TBC1D14: variants seen among roughly 807,000 people sequenced by gnomAD.
TBC1D14 encodes TBC1 domain family member 14.
TBC1D14 carries 26 observed loss-of-function variants against 79.0 expected under a neutral mutation model. The observed-to-expected ratio is 0.33, with a 90% CI of 0.24 to 0.46. The LOEUF (loss-of-function observed/expected upper bound fraction) is 0.46. Ranked by LOEUF, TBC1D14 falls within the 20% of genes least tolerant of loss-of-function variation. TBC1D14 has a pLI of 1.00. For synonymous variants in TBC1D14, 394 were observed against 349.9 expected, an observed-to-expected ratio of 1.13 and a Z score of -1.40; for missense variants, 769 against 887.6, an observed-to-expected ratio of 0.87 and a Z score of 1.70.
At chr4:6,925,987 G>T (rs1724264185) in intron 2 of TBC1D14, among the ~76,000 whole-genome samples, 2 of 152,210 alleles carry the variant, frequency 1.3e-5, no homozygotes, top group South Asian at 4.1e-4. Flanking sequence ...CAGCATGGTG[G>T]AAGGAGTGTG....
intron 2 of TBC1D14, among the ~76,000 whole-genome samples, chr4:6,933,744 G>A (rs1315154719): frequency 6.6e-6 from 1 of 152,206 alleles, no homozygotes; most frequent in Non-Finnish European, 1.5e-5. Context: ...TCAGAAGTCT[G>A]CCTGCCATAG....
chr4:6,926,539 T>C (rs1383513084), intron 2 of TBC1D14, among the ~76,000 whole-genome samples: 1 of 152,252 alleles, frequency 6.6e-6, no homozygotes, highest in Non-Finnish European at 1.5e-5. Flanking sequence ...GACATTGTTA[T>C]TGTGAGCCTC....
chr4:7,024,234 G>A (rs1321008217), intron 12 of TBC1D14, among the ~76,000 whole-genome samples: 2 of 152,200 alleles, frequency 1.3e-5, no homozygotes, highest in East Asian at 1.9e-4. Context: ...CCTCCTGACC[G>A]AGTCAGCCCC....
At chr4:6,937,553 G>A (rs187342107) in intron 2 of TBC1D14, among the ~76,000 whole-genome samples, 3 of 152,320 alleles carry the variant, frequency 2.0e-5, no homozygotes, top group East Asian at 1.9e-4. Flanking sequence ...CCATCAAGGC[G>A]TGTGGGAGAA....
At chr4:6,995,009 T>C (rs1268872422) in intron 4 of TBC1D14, among the ~76,000 whole-genome samples, 1 of 152,136 alleles carries the variant, frequency 6.6e-6, no homozygotes, top group African/African-American at 2.4e-5. Context: ...GTTTTCATGC[T>C]CTGAAAGGTG....
intron 2 of TBC1D14, among the ~76,000 whole-genome samples, chr4:6,924,468 A>G (rs993316933): frequency 6.6e-6 from 1 of 152,116 alleles, no homozygotes; most frequent in African/African-American, 2.4e-5. Context: ...GGCACTGGTG[A>G]GGGTGACGCC....
At chr4:7,007,456 C>CG in intron 9 of TBC1D14, 2 of 1,000,228 alleles carry the variant, frequency 2.0e-6, no homozygotes, top group South Asian at 2.8e-5. Flanking sequence ...CGGGTTTTTG[C>CG]GGGGGCAGTT....
intron 3 of TBC1D14, among the ~76,000 whole-genome samples, chr4:6,991,501 T>A (rs1718483066): frequency 6.6e-6 from 1 of 152,124 alleles, no homozygotes. Flanking sequence ...TTTCTCCCCC[T>A]CAGACCTGAA....
intron 2 of TBC1D14, among the ~76,000 whole-genome samples, chr4:6,957,071 T>C (rs967291189): frequency 1.3e-5 from 2 of 152,230 alleles, no homozygotes; most frequent in Admixed American, 1.3e-4. Context: ...CCACATCGCT[T>C]GCTGTGTGCT....
chr4:7,010,749 C>G lies in TBC1D14; in HGVS notation c.1615C>G (p.Gln539Glu). 2 of 1,613,938 alleles carry G rather than the reference C, an allele frequency of 1.2e-6. No individual in the cohort carries two copies. The highest frequency in any genetic ancestry group is 1.7e-5 in the Admixed American group (1 of 59,992). Residue 539 changes from glutamine to glutamate, a missense_variant, in exon 11 of 14, where the codon CAA (glutamine) becomes GAA (glutamate). By Grantham distance (29) the Gln-to-Glu change is conservative (BLOSUM62 2). Coordinates refer to ENST00000409757, the MANE Select transcript of TBC1D14 (RefSeq NM_020773.3). ...TTCTAACCTTCTGAATAAACCCTGTCAAATGGCGTTTTTTAGAGTGGACCA... is the reference window on the plus strand; with the variant it reads ...TTCTAACCTTCTGAATAAACCCTGTGAAATGGCGTTTTTTAGAGTGGACCA... ...AFSNLLNKPCQMAFFRVDHGL... is the reference protein window; with the variant it reads ...AFSNLLNKPCEMAFFRVDHGL...
At chr4:6,913,313 T>C (rs188170296) in intron 1 of TBC1D14, among the ~76,000 whole-genome samples, 1 of 152,338 alleles carries the variant, frequency 6.6e-6, no homozygotes, top group East Asian at 1.9e-4. Flanking sequence ...TTTTAAAACT[T>C]CATTTGCAGC....
intron 3 of TBC1D14, among the ~76,000 whole-genome samples, chr4:6,976,540 C>T (rs1214724573): frequency 6.6e-6 from 1 of 152,214 alleles, no homozygotes; most frequent in East Asian, 1.9e-4. Flanking sequence ...CCGAAAAGAA[C>T]TGTCAACCCA....
At chr4:7,009,727 T>C (rs1720554199) in intron 9 of TBC1D14, 150 bp from the exon 10 acceptor site, 1 of 763,048 alleles carries the variant, frequency 1.3e-6, no homozygotes. Context: ...AAATTCCATA[T>C]GCATATAGAG....
chr4:6,961,575 G>T (rs1269586865), intron 2 of TBC1D14, among the ~76,000 whole-genome samples: 3 of 152,204 alleles, frequency 2.0e-5, no homozygotes, highest in Non-Finnish European at 2.9e-5. Flanking sequence ...AATGGGCAGA[G>T]GGAGCAGCCT....
intron 7 of TBC1D14, among the ~76,000 whole-genome samples, chr4:7,004,396 A>G (rs1719976658): frequency 6.6e-6 from 1 of 152,078 alleles, no homozygotes; most frequent in Non-Finnish European, 1.5e-5. Flanking sequence ...CTTTCTTGAA[A>G]CCCAATGATT....
At chr4:6,955,055 TTC>T in intron 2 of TBC1D14, among the ~76,000 whole-genome samples, 1 of 152,358 alleles carries the variant, frequency 6.6e-6, no homozygotes, top group South Asian at 2.1e-4. Flanking sequence ...GAACCTCACT[TTC>T]TTTCTTCGTG....
Position 6,964,975 on chromosome 4 carries a change from T to G in TBC1D14, c.723-2329T>G, listed in dbSNP as rs114276931. 5.1e-3 allele frequency among the ~76,000 whole-genome samples: 779 copies of G among 152,322 alleles called. 9 individuals carry two copies. The highest frequency in any genetic ancestry group is 0.018 in the African/African-American group (743 of 41,560). On this transcript the variant is annotated intron_variant, in intron 2 of 13. Coordinates refer to ENST00000409757, the MANE Select transcript of TBC1D14 (RefSeq NM_020773.3). ...TATATGCATATTTTTTCCTGTGCCA[T>G]TAGAAGAGTAAGTTTGAGATACCAT... is the stretch of plus-strand genomic sequence containing the variant.
At chr4:6,982,094 T>C (rs150485833) in intron 3 of TBC1D14, among the ~76,000 whole-genome samples, 8 of 152,318 alleles carry the variant, frequency 5.3e-5, no homozygotes, top group Non-Finnish European at 1.0e-4. Context: ...GTGAAACATA[T>C]ACTTAGAATT....
In TBC1D14 at chr4:7,024,869, A is replaced by G. The variant is rs1301621651; in HGVS notation, c.1758-135A>G. 2.6e-6 allele frequency: 3 copies of G among 1,152,416 alleles called. No homozygotes were observed. The African/African-American group carries it at 4.6e-5, about 18-fold the overall frequency. The allele number at this position is 1,152,416 out of a possible 1,614,324, so 71.4% of individuals were successfully genotyped here. The stretch of plus-strand genomic sequence containing the variant: ...TAGAATTACCCTTCAGTGTGAGTGC[A>G]GGCCTGGCCCTGGCCCCAGCTGTTG... On this transcript the variant is annotated intron_variant, in intron 12 of 13. Transcript: ENST00000409757.
Sources: allele counts gnomAD v4.1 joint callset (sites outside exome capture counted in the v4.1 genomes callset), GRCh38; gene constraint gnomAD v4.1.1; transcripts MANE v1.5; gene names NCBI Gene and HGNC (gene_info 2026-07-23, HGNC 2026-07-21).